TEX14: variants seen among roughly 807,000 people sequenced by gnomAD.
TEX14 encodes testis expressed 14, intercellular bridge forming factor.
TEX14 carries 168 observed loss-of-function variants against 178.6 expected under a neutral mutation model. The ratio of observed to expected loss-of-function variants is 0.94; its 90% confidence interval spans 0.83 to 1.07. The LOEUF is 1.07. TEX14 is among the 50% of genes least tolerant of loss of function. The pLI is 0.00. For synonymous variants in TEX14, 626 were observed against 634.1 expected (o/e 0.99, Z 0.19); for missense variants, 1,730 against 1,753.6 (o/e 0.99, Z 0.24).
At chr17:58,595,246 T>C (rs2045252431) in intron 14 of TEX14, among the ~76,000 whole-genome samples, 1 of 152,158 alleles carries the variant, frequency 6.6e-6, no homozygotes, top group Non-Finnish European at 1.5e-5. Flanking sequence ...GTCTGAAAAA[T>C]GCATTTAGAT....
intron 1 of TEX14, among the ~76,000 whole-genome samples, chr17:58,690,081 C>T (rs188352819): frequency 6.6e-6 from 1 of 151,732 alleles, no homozygotes. Flanking sequence ...GATCTCCTGA[C>T]CTTGTGATCT....
intron 20 of TEX14, among the ~76,000 whole-genome samples, chr17:58,579,406 C>G (rs2044756787): frequency 6.6e-6 from 1 of 152,174 alleles, no homozygotes; most frequent in Admixed American, 6.5e-5. Flanking sequence ...GGGGAAAAAG[C>G]AGTGACTACA....
chr17:58,595,266 T>G (rs941218936), intron 14 of TEX14, among the ~76,000 whole-genome samples: 3 of 152,208 alleles, frequency 2.0e-5, no homozygotes, highest in African/African-American at 7.2e-5. Context: ...TGGAGATGGC[T>G]TTTTCCCTGA....
chr17:58,673,270 G>T (rs2047333589), intron 1 of TEX14, among the ~76,000 whole-genome samples: 2 of 151,262 alleles, frequency 1.3e-5, no homozygotes, highest in Admixed American at 1.3e-4. Flanking sequence ...TATAAGGTCA[G>T]GAGTTCAAGA....
At chr17:58,573,154 CCAAA>C (rs753017831) in intron 23 of TEX14, 23 bp downstream of exon 23, 1 of 1,612,412 alleles carries the variant, frequency 6.2e-7, no homozygotes, top group South Asian at 1.1e-5. Flanking sequence ...GTCCTTCTCC[CCAAA>C]CACTTCTCTT....
chr17:58,606,661 G>A (rs182758174), intron 10 of TEX14, among the ~76,000 whole-genome samples: 1 of 152,076 alleles, frequency 6.6e-6, no homozygotes, highest in Admixed American at 6.6e-5. Context: ...TTGAACCCAG[G>A]AGGCAGAGGT....
At chr17:58,582,678 C>A (rs1170246590) in intron 19 of TEX14, among the ~76,000 whole-genome samples, 1 of 151,798 alleles carries the variant, frequency 6.6e-6, no homozygotes, top group East Asian at 1.9e-4. Context: ...ATTCTCCTGC[C>A]TCAGCTTCCC....
chr17:58,636,257 T>A (rs577137543), intron 2 of TEX14, among the ~76,000 whole-genome samples: 1 of 152,318 alleles, frequency 6.6e-6, no homozygotes, highest in South Asian at 2.1e-4. Flanking sequence ...GTGGCTGCTA[T>A]AAAGGTAACT....
At chr17:58,620,097 G>C (rs2045963948) in intron 5 of TEX14, among the ~76,000 whole-genome samples, 1 of 152,054 alleles carries the variant, frequency 6.6e-6, no homozygotes, top group Admixed American at 6.6e-5. Flanking sequence ...AACTGGAGAA[G>C]AACATATACA....
rs1217520738 is a variant in TEX14 at position 58,573,243 on chromosome 17, G to A, written c.3449C>T (p.Ala1150Val). The change falls in exon 23 of 32, where the codon GCT becomes GTT. Residue 1150 changes from alanine to valine, a missense_variant. Coordinates refer to ENST00000349033, the MANE Select transcript of TEX14 (RefSeq NM_031272.5). ...GTTTATTTTGGGTGTTTTGCATGAA[G>A]CTTCCTTAAAAGAGCTGTCTGGTTC... ...SYEPDSSFKE[A>V]SCKTPKINHA... The A allele has an allele frequency of 7.4e-6, 12 of 1,613,986 alleles. No homozygotes were observed. The highest frequency in any genetic ancestry group is 1.3e-5 in the African/African-American group (1 of 74,938).
At chr17:58,669,424 G>A (rs1434131677) in intron 1 of TEX14, among the ~76,000 whole-genome samples, 3 of 151,710 alleles carry the variant, frequency 2.0e-5, no homozygotes, top group Non-Finnish European at 4.4e-5. Flanking sequence ...GTCACCAGAC[G>A]ATGGCTAAAG....
In TEX14 at chr17:58,569,839, C is replaced by T. The variant is rs1268008904; in HGVS notation, c.3817+546G>A. Among the ~76,000 whole-genome samples, 1 of 152,128 alleles carries T rather than the reference C, an allele frequency of 6.6e-6. No homozygotes were observed. On this transcript the variant is annotated intron_variant, in intron 25 of 31. Coordinates refer to ENST00000349033, the MANE Select transcript of TEX14 (RefSeq NM_031272.5). The surrounding 1 kb of genome is among the most constrained non-coding windows in gnomAD (Gnocchi z 4.1). ...AAATTAAAGTAATAAAGGTAATATG[C>T]CTCAAGACTGCTAATATTCTCAGAC...
chr17:58,650,572 T>A (rs1461260408), intron 2 of TEX14, among the ~76,000 whole-genome samples: 3 of 152,100 alleles, frequency 2.0e-5, no homozygotes, highest in Admixed American at 2.0e-4. Context: ...AGCCTCCTGG[T>A]GTGGTGGACT....
chr17:58,659,003 G>A (rs543160000), intron 1 of TEX14, among the ~76,000 whole-genome samples: 1 of 150,496 alleles, frequency 6.6e-6, no homozygotes, highest in African/African-American at 2.5e-5. Context: ...AATACTTAGC[G>A]AGCATCTAAT....
intron 3 of TEX14, among the ~76,000 whole-genome samples, chr17:58,625,008 C>T (rs1448362161): frequency 6.6e-6 from 1 of 152,224 alleles, no homozygotes; most frequent in Non-Finnish European, 1.5e-5. Context: ...TCACTGTAGG[C>T]TCTCTCCCAC....
At chr17:58,663,249 CCT>C (rs2047149152) in intron 1 of TEX14, among the ~76,000 whole-genome samples, 1 of 151,686 alleles carries the variant, frequency 6.6e-6, no homozygotes, top group South Asian at 2.1e-4. Flanking sequence ...ATGGAGAAAC[CCT>C]GTCTCTACTA....
intron 2 of TEX14, chr17:58,631,564 G>A (rs566632134): frequency 6.6e-6 from 1 of 150,902 alleles, no homozygotes; most frequent in South Asian, 2.1e-4. Context: ...CACACATCTG[G>A]CATAACCTTA....
intron 15 of TEX14, among the ~76,000 whole-genome samples, chr17:58,589,868 T>G (rs2045081526): frequency 6.6e-6 from 1 of 151,624 alleles, no homozygotes. Context: ...GCCAGCTAGT[T>G]TTTGTATTTT....
chr17:58,662,916 G>A (rs11655607), intron 1 of TEX14, among the ~76,000 whole-genome samples: 21,959 of 151,526 alleles, frequency 0.14, 2,464 homozygotes, highest in East Asian at 0.31. Context: ...TCAGGAGATC[G>A]AGACCATGGT....
Sources: allele counts gnomAD v4.1 joint callset (sites outside exome capture counted in the v4.1 genomes callset), GRCh38; gene constraint gnomAD v4.1.1; non-coding constraint Gnocchi (gnomAD v3.1); transcripts MANE v1.5; gene names NCBI Gene and HGNC (gene_info 2026-07-23, HGNC 2026-07-21).